TTLL11: variants seen among roughly 807,000 people sequenced by gnomAD.
TTLL11 encodes tubulin tyrosine ligase like 11.
TTLL11 carries 42 observed loss-of-function variants against 51.7 expected under a neutral mutation model. The observed-to-expected ratio is 0.81, with a 90% confidence interval of 0.64 to 1.05. The LOEUF (loss-of-function observed/expected upper bound fraction) is 1.05. TTLL11 is among the 50% of genes least tolerant of loss of function. The probability of loss-of-function intolerance (pLI) is 0.00; values close to 1 mark genes in which losing one functional copy is unlikely to be tolerated. For missense variants in TTLL11, 799 were observed against 940.4 expected (o/e 0.85, Z 1.97); for synonymous variants, 381 against 383.5 (o/e 0.99, Z 0.08).
At chr9:121,899,395 A>ATATATATG (rs1554766969) in intron 6 of TTLL11, among the ~76,000 whole-genome samples, 1 of 127,622 alleles carries the variant, frequency 7.8e-6, no homozygotes, top group African/African-American at 2.7e-5. Context: ...ATATATATAT[A>ATATATATG]TATATATACA....
intron 1 of TTLL11, among the ~76,000 whole-genome samples, chr9:122,089,487 T>C (rs1027044953): frequency 2.0e-5 from 3 of 152,186 alleles, no homozygotes; most frequent in African/African-American, 7.2e-5. Context: ...GTCAACTTTG[T>C]AGGAGGTACT....
intron 6 of TTLL11, among the ~76,000 whole-genome samples, chr9:121,937,714 C>CA (rs1043706575): frequency 6.7e-5 from 10 of 150,176 alleles, no homozygotes; most frequent in African/African-American, 2.5e-4. Context: ...CCAGGCAAAC[C>CA]AAAAAAATCC....
rs146680585 is a variant in TTLL11, at chr9:122,059,556, T to C, written c.463-20188A>G. On this transcript the variant is annotated intron_variant, in intron 1 of 8. Coordinates refer to ENST00000321582, the MANE Select transcript of TTLL11 (RefSeq NM_001139442.2). ...TCTAGCCCTAGAGAAGCTTGAAGTT[T>C]CTTGGAGGGATACACAGACATGTAC... Among the ~76,000 whole-genome samples the C allele has an allele frequency of 1.1e-3, 168 of 152,286 alleles. No homozygotes were observed. In the East Asian group the frequency reaches 0.03, roughly 27 times the overall value.
At chr9:121,997,252 C>T (rs568603328) in intron 3 of TTLL11, among the ~76,000 whole-genome samples, 514 of 151,952 alleles carry the variant, frequency 3.4e-3, no homozygotes, top group Non-Finnish European at 5.8e-3. Context: ...GCCGTCGTAC[C>T]GTGAGACTCT....
At chr9:121,929,880 C>T (rs1840902451) in intron 6 of TTLL11, among the ~76,000 whole-genome samples, 1 of 152,204 alleles carries the variant, frequency 6.6e-6, no homozygotes, top group African/African-American at 2.4e-5. Flanking sequence ...AGGTCCTATG[C>T]TTTGATGTTC....
chr9:121,916,278 G>A (rs1290763396), intron 6 of TTLL11, among the ~76,000 whole-genome samples: 1 of 152,116 alleles, frequency 6.6e-6, no homozygotes, highest in Non-Finnish European at 1.5e-5. Context: ...GTGTGATCCT[G>A]TTTTTGTAAA....
At chr9:121,898,162 C>A (rs932864908) in intron 6 of TTLL11, among the ~76,000 whole-genome samples, 6 of 152,084 alleles carry the variant, frequency 3.9e-5, no homozygotes, top group Non-Finnish European at 7.4e-5. Flanking sequence ...AAGTGACCTG[C>A]CTCAGCCTGC....
intron 3 of TTLL11, among the ~76,000 whole-genome samples, chr9:122,009,291 A>G (rs1452350094): frequency 1.3e-5 from 2 of 152,206 alleles, no homozygotes; most frequent in Non-Finnish European, 1.5e-5. Context: ...CATGTTGTAC[A>G]TGATAAATAC....
chr9:121,944,301 A>C (rs1841590022), intron 6 of TTLL11, among the ~76,000 whole-genome samples: 1 of 152,174 alleles, frequency 6.6e-6, no homozygotes, highest in Non-Finnish European at 1.5e-5. Flanking sequence ...TGAGATCAGA[A>C]GTTTGAGACC....
intron 6 of TTLL11, among the ~76,000 whole-genome samples, chr9:121,889,511 C>T (rs10985431): frequency 0.12 from 18,328 of 152,132 alleles, 1,303 homozygotes; most frequent in Admixed American, 0.22. Flanking sequence ...AACTCTGTCC[C>T]TATCAAACAA....
At chr9:121,990,082 G>A (rs1040159825) in intron 3 of TTLL11, among the ~76,000 whole-genome samples, 1 of 152,222 alleles carries the variant, frequency 6.6e-6, no homozygotes, top group Non-Finnish European at 1.5e-5. Context: ...ACTAATAATA[G>A]TGCTGAGAAT....
chr9:122,019,730 C>A (rs1276957567), intron 3 of TTLL11, among the ~76,000 whole-genome samples: 1 of 152,204 alleles, frequency 6.6e-6, no homozygotes, highest in Admixed American at 6.5e-5. Context: ...GGATTACAGG[C>A]ATGATACGGT....
At chr9:122,049,620 A>C (rs1845106968) in intron 1 of TTLL11, among the ~76,000 whole-genome samples, 2 of 152,230 alleles carry the variant, frequency 1.3e-5, no homozygotes, top group Admixed American at 6.5e-5. Context: ...TCTTGACCAG[A>C]AGAACTAAAA....
At chr9:122,084,132 T>C (rs1486247333) in intron 1 of TTLL11, among the ~76,000 whole-genome samples, 1 of 152,172 alleles carries the variant, frequency 6.6e-6, no homozygotes, top group African/African-American at 2.4e-5. Flanking sequence ...ATAGGAAAAC[T>C]GGCCTTCATC....
chr9:121,842,513 C>T (rs919799310), intron 8 of TTLL11, among the ~76,000 whole-genome samples: 4 of 152,210 alleles, frequency 2.6e-5, no homozygotes, highest in Non-Finnish European at 5.9e-5. Context: ...TCAAGTGATC[C>T]TCCTGCCTTG....
intron 6 of TTLL11, among the ~76,000 whole-genome samples, chr9:121,952,718 TC>T (rs1371185119): frequency 6.6e-6 from 1 of 152,114 alleles, no homozygotes; most frequent in East Asian, 1.9e-4. Context: ...CCCCTTCCTC[TC>T]CTTCCTCATG....
intron 6 of TTLL11, among the ~76,000 whole-genome samples, chr9:121,965,976 A>G (rs1003354148): frequency 2.0e-5 from 3 of 152,232 alleles, no homozygotes; most frequent in Non-Finnish European, 4.4e-5. Flanking sequence ...TTCTACATAG[A>G]ATCTACCGGA....
intron 4 of TTLL11, among the ~76,000 whole-genome samples, chr9:121,976,262 A>G (rs1294975462): frequency 2.0e-5 from 3 of 152,178 alleles, no homozygotes; most frequent in African/African-American, 7.2e-5. Flanking sequence ...TTTGTCTTCC[A>G]GTCACTCGGG....
chr9:122,083,867 T>A (rs1236216625), intron 1 of TTLL11, among the ~76,000 whole-genome samples: 2 of 152,026 alleles, frequency 1.3e-5, no homozygotes, highest in African/African-American at 4.8e-5. Flanking sequence ...TGGTGTCACC[T>A]CTCAGAAGTG....
Sources: gnomAD v4.1 joint callset for allele counts (sites outside exome capture counted in the v4.1 genomes callset) on GRCh38, gnomAD v4.1.1 for gene constraint, MANE v1.5 for transcripts, NCBI Gene and HGNC (gene_info 2026-07-23, HGNC 2026-07-21) for gene names.